The following GRID2 variants were observed in gnomAD, a reference collection of about 807,000 sequenced individuals.
GRID2 encodes glutamate ionotropic receptor delta type subunit 2, also known as glutamate receptor ionotropic, delta-2.
Under a neutral mutation model 114.8 loss-of-function variants are expected in GRID2, and 33 were observed. The ratio of observed to expected loss-of-function variants is 0.29; its 90% CI spans 0.22 to 0.38. The LOEUF is 0.38. Among genes scored for constraint, GRID2 ranks in the 10% least tolerant of loss-of-function variants. The pLI is 1.00. For missense variants in GRID2, 1,184 were observed against 1,257.7 expected, an observed-to-expected ratio of 0.94 and a Z score of 0.89; for synonymous variants, 505 against 449.9, an observed-to-expected ratio of 1.12 and a Z score of -1.55.
Position 93,224,629 on chromosome 4 carries a change from A to G in GRID2, c.979A>G (p.Ile327Val). Residue 327 changes from isoleucine to valine, a missense_variant, in exon 7 of 16, where the codon ATA becomes GTA. Ile to Val is a conservative substitution (Grantham distance 29, BLOSUM62 3). Transcript: ENST00000282020. ...GTCTTTTCAGATTTCCAACCTTTAC[A>G]TATATGACACGGTGCTTCTGCTTGC... ...AQNMEISNLYIYDTVLLLANA... is the reference protein window; with the variant it reads ...AQNMEISNLYVYDTVLLLANA... 7 of 1,609,530 alleles carry G rather than the reference A, an allele frequency of 4.3e-6. No homozygotes were observed. The highest frequency in any genetic ancestry group is 2.2e-5 in the East Asian group (1 of 44,808).
At chr4:93,539,817 G>C (rs964076037) in intron 13 of GRID2, among the ~76,000 whole-genome samples, 1 of 151,772 alleles carries the variant, frequency 6.6e-6, no homozygotes, top group African/African-American at 2.4e-5. Context: ...TTGTTTGTTT[G>C]TTTGTGTGCT....
intron 2 of GRID2, among the ~76,000 whole-genome samples, chr4:92,853,039 C>A (rs1398553963): frequency 2.0e-5 from 3 of 151,922 alleles, no homozygotes; most frequent in Non-Finnish European, 2.9e-5. Flanking sequence ...AGGATATGAA[C>A]TTCTTAGAAG....
chr4:93,500,644 C>T (rs959915677), intron 12 of GRID2, among the ~76,000 whole-genome samples: 1 of 151,844 alleles, frequency 6.6e-6, no homozygotes, highest in Non-Finnish European at 1.5e-5. Flanking sequence ...AATAAACAAA[C>T]AAAAATCTGA....
intron 8 of GRID2, among the ~76,000 whole-genome samples, chr4:93,342,711 G>A (rs901833926): frequency 4.6e-5 from 7 of 152,168 alleles, no homozygotes; most frequent in Non-Finnish European, 1.0e-4. Flanking sequence ...AACTGGTTAT[G>A]CAGAGCAAAA....
intron 8 of GRID2, among the ~76,000 whole-genome samples, chr4:93,378,145 A>G (rs1763539065): frequency 1.3e-5 from 2 of 152,136 alleles, no homozygotes; most frequent in Admixed American, 1.3e-4. Flanking sequence ...ACCTTCAACA[A>G]AACTTTAATC....
chr4:92,403,696 AT>A (rs1730898907), intron 1 of GRID2, among the ~76,000 whole-genome samples: 2 of 7,976 alleles, frequency 2.5e-4, no homozygotes, highest in Non-Finnish European at 5.7e-4. Flanking sequence ...CATCTCAAAA[AT>A]AAATAAATAA....
At chr4:92,915,934 CTTTG>C (rs1048452933) in intron 2 of GRID2, among the ~76,000 whole-genome samples, 15 of 151,924 alleles carry the variant, frequency 9.9e-5, no homozygotes, top group African/African-American at 3.1e-4. Context: ...TTTTTGGTAA[CTTTG>C]TTTAAGTTTC....
chr4:93,116,654 G>T (rs1384646045), intron 4 of GRID2, among the ~76,000 whole-genome samples: 1 of 151,914 alleles, frequency 6.6e-6, no homozygotes, highest in East Asian at 1.9e-4. Context: ...AAATTCTAGT[G>T]GGTCAGATCC....
At chr4:92,326,314 A>T (rs893476165) in intron 1 of GRID2, among the ~76,000 whole-genome samples, 4 of 151,940 alleles carry the variant, frequency 2.6e-5, no homozygotes, top group Non-Finnish European at 5.9e-5. Context: ...ATTTAAAGGC[A>T]TTTTAATGAA....
chr4:93,790,388 G>A (rs900819566), intron 1 of GRID2, among the ~76,000 whole-genome samples: 4 of 151,986 alleles, frequency 2.6e-5, no homozygotes, highest in Non-Finnish European at 2.9e-5. Context: ...AGAAAATAGC[G>A]TAAAATAAAA....
chr4:93,287,253 A>G (rs1753278527), intron 8 of GRID2, among the ~76,000 whole-genome samples: 2 of 152,194 alleles, frequency 1.3e-5, no homozygotes, highest in African/African-American at 4.8e-5. Flanking sequence ...TCTGTCATTT[A>G]GTTTTTACTA....
chr4:93,027,644 G>C (rs1724006290), intron 2 of GRID2, among the ~76,000 whole-genome samples: 1 of 152,156 alleles, frequency 6.6e-6, no homozygotes. Flanking sequence ...AATGTGCACT[G>C]ATTTTTACAG....
At chr4:93,365,782 G>A (rs915159367) in intron 8 of GRID2, among the ~76,000 whole-genome samples, 12 of 152,116 alleles carry the variant, frequency 7.9e-5, no homozygotes, top group Non-Finnish European at 1.8e-4. Flanking sequence ...ATATTGTTGC[G>A]GGAAGTCAGG....
chr4:92,960,092 G>A (rs1187592503), intron 2 of GRID2, among the ~76,000 whole-genome samples: 1 of 151,914 alleles, frequency 6.6e-6, no homozygotes, highest in Non-Finnish European at 1.5e-5. Context: ...TTTCTGTTAT[G>A]GATTTCTGGT....
At chr4:93,246,975 G>T (rs1043108440) in intron 8 of GRID2, among the ~76,000 whole-genome samples, 1 of 152,106 alleles carries the variant, frequency 6.6e-6, no homozygotes, top group Non-Finnish European at 1.5e-5. Flanking sequence ...GATGTTTAGG[G>T]TTACTCTGAG....
chr4:92,395,814 G>A (rs1174897065), intron 1 of GRID2, among the ~76,000 whole-genome samples: 2 of 151,812 alleles, frequency 1.3e-5, no homozygotes, highest in Non-Finnish European at 1.5e-5. Context: ...TGAGAACACT[G>A]AAGTTTAGTA....
At chr4:92,670,556 A>AT (rs779079614) in intron 2 of GRID2, among the ~76,000 whole-genome samples, 1 of 152,080 alleles carries the variant, frequency 6.6e-6, no homozygotes, top group Non-Finnish European at 1.5e-5. Flanking sequence ...ATAAGGTTTT[A>AT]TGTAAATTAT....
intron 2 of GRID2, among the ~76,000 whole-genome samples, chr4:92,742,027 G>A (rs1374642609): frequency 6.6e-6 from 1 of 152,098 alleles, no homozygotes; most frequent in African/African-American, 2.4e-5. Context: ...TTTTATGAAA[G>A]TAATTCAAGA....
Position 92,507,415 on chromosome 4 carries a change from T to TTGTGTGTG in GRID2, c.89-82698_89-82691dup, listed in dbSNP as rs70940902. On this transcript the variant is annotated intron_variant, in intron 1 of 15. Transcript: ENST00000282020. ...TACTAATGTGCTTTCTCGTGTATAATTGTGTGTGTGTGTGTGTGTGTGTGT... is the reference window on the plus strand; with the variant it reads ...TACTAATGTGCTTTCTCGTGTATAATTGTGTGTGTGTGTGTGTGTGTGTGTGTGTGTGT... 8.7e-3 allele frequency among the ~76,000 whole-genome samples: 1,306 copies of TTGTGTGTG among 149,338 alleles called. 12 individuals carry two copies. The highest frequency in any genetic ancestry group is 0.028 in the African/African-American group (1,135 of 40,762).
Sources: gnomAD v4.1 joint callset for allele counts (sites outside exome capture counted in the v4.1 genomes callset) on GRCh38, gnomAD v4.1.1 for gene constraint, MANE v1.5 for transcripts, NCBI Gene and HGNC (gene_info 2026-07-23, HGNC 2026-07-21) for gene names.